FBXO32: variants seen among roughly 807,000 people sequenced by gnomAD.
FBXO32 encodes F-box only protein 32.
In FBXO32, 15 loss-of-function variants were observed where a neutral mutation model predicts 48.3. The ratio of observed to expected loss-of-function variants is 0.31; its 90% CI spans 0.21 to 0.48. The LOEUF (loss-of-function observed/expected upper bound fraction) is 0.48. FBXO32 is among the 20% of genes least tolerant of loss of function. The pLI is 0.99. For missense variants in FBXO32, 309 were observed against 432.7 expected (o/e 0.71, Z 2.54); for synonymous variants, 154 against 165.9 (o/e 0.93, Z 0.55).
intron 4 of FBXO32, among the ~76,000 whole-genome samples, chr8:123,519,823 T>C (rs554911472): frequency 6.6e-6 from 1 of 152,254 alleles, no homozygotes; most frequent in South Asian, 2.1e-4. Flanking sequence ...AGTCTTGCTC[T>C]GTTGCCCAGG....
chr8:123,512,607 G>A (rs1315506583), intron 6 of FBXO32, among the ~76,000 whole-genome samples: 5 of 148,548 alleles, frequency 3.4e-5, no homozygotes, highest in Non-Finnish European at 7.4e-5. Context: ...GCCAAGCTAT[G>A]TTGTGAAAGC....
At chr8:123,504,847 C>T (rs939685410) in intron 7 of FBXO32, 100 bp from the exon 8 acceptor site, 4 of 1,095,150 alleles carry the variant, frequency 3.7e-6, no homozygotes, top group Non-Finnish European at 5.3e-6. Flanking sequence ...CCCTTTCCCC[C>T]TCTTTTCAGC....
At chr8:123,523,203 G>A (rs943630918) in intron 4 of FBXO32, among the ~76,000 whole-genome samples, 10 of 152,090 alleles carry the variant, frequency 6.6e-5, no homozygotes. Flanking sequence ...AGGTCTGTGG[G>A]ACTGGCACTG....
At chr8:123,519,151 C>T (rs1359365369) in intron 4 of FBXO32, among the ~76,000 whole-genome samples, 2 of 152,134 alleles carry the variant, frequency 1.3e-5, no homozygotes, top group Non-Finnish European at 2.9e-5. Context: ...AGTTTCAGGA[C>T]TTCAGTTTGT....
At chr8:123,532,182 A>G in intron 3 of FBXO32, 192 bp from the exon 4 acceptor site, 1 of 1,370,968 alleles carries the variant, frequency 7.3e-7, no homozygotes, top group African/African-American at 1.5e-5. Context: ...TAACACAGCC[A>G]GCAGCTGCCT....
intron 6 of FBXO32, among the ~76,000 whole-genome samples, chr8:123,510,893 C>T (rs1374763286): frequency 2.6e-5 from 4 of 152,114 alleles, no homozygotes; most frequent in African/African-American, 9.7e-5. Context: ...CATAGCTGCT[C>T]GGAAGAAGGT....
intron 4 of FBXO32, among the ~76,000 whole-genome samples, chr8:123,523,451 A>G (rs111444030): frequency 0.017 from 2,528 of 152,194 alleles, 61 homozygotes; most frequent in African/African-American, 0.057. Context: ...TTAGCCGGGC[A>G]TGGTGGCGGG....
chr8:123,531,795 G>T, intron 4 of FBXO32, 103 bp downstream of exon 4: 1 of 1,401,176 alleles, frequency 7.1e-7, no homozygotes, highest in Admixed American at 2.3e-5. Context: ...AATTCTTAGG[G>T]TCCTAAAAAG....
At chr8:123,535,805 A>T (rs1269252665) in intron 1 of FBXO32, among the ~76,000 whole-genome samples, 1 of 149,098 alleles carries the variant, frequency 6.7e-6, no homozygotes, top group Admixed American at 6.7e-5. Flanking sequence ...TATAATGCCA[A>T]CTGGTAAAAC....
rs1817381878 is a variant in FBXO32 at position 123,540,067 on chromosome 8, G to A, written c.116+832C>T. Among the ~76,000 whole-genome samples the A allele has an allele frequency of 6.6e-6, 1 of 152,212 alleles. No individual in the cohort carries two copies. The highest frequency in any genetic ancestry group is 2.1e-4 in the South Asian group (1 of 4,832). On this transcript the variant is annotated intron_variant, in intron 1 of 8. Coordinates refer to ENST00000517956, the MANE Select transcript of FBXO32 (RefSeq NM_058229.4). This position sits in a 1 kb window ranked among gnomAD's most constrained non-coding sequence, Gnocchi z 6.4. ...GCAGCGGACCTCAGGTTTCCCGCCA[G>A]ACCACAGAGCTCAGGTGAGGCCTCG...
chr8:123,509,041 A>G (rs1816685757), intron 6 of FBXO32, among the ~76,000 whole-genome samples: 1 of 152,158 alleles, frequency 6.6e-6, no homozygotes, highest in Admixed American at 6.5e-5. Flanking sequence ...ACATGCTTCA[A>G]AACAGTGCCC....
intron 2 of FBXO32, among the ~76,000 whole-genome samples, chr8:123,533,606 G>A (rs1320849388): frequency 6.6e-6 from 1 of 152,180 alleles, no homozygotes; most frequent in African/African-American, 2.4e-5. Context: ...TCAGGAGTTC[G>A]AGACCAGCCT....
intron 7 of FBXO32, among the ~76,000 whole-genome samples, chr8:123,505,479 T>C (rs1816597259): frequency 6.6e-6 from 1 of 152,232 alleles, no homozygotes; most frequent in South Asian, 2.1e-4. Flanking sequence ...CTCACGCCTG[T>C]AATCCCAGAA....
chr8:123,516,346 A>G (rs546850717), intron 4 of FBXO32, among the ~76,000 whole-genome samples: 1 of 152,274 alleles, frequency 6.6e-6, no homozygotes, highest in African/African-American at 2.4e-5. Flanking sequence ...GACACAGAGA[A>G]CCGAGACCCC....
At position 123,506,454 on chromosome 8, in the gene FBXO32, C is replaced by G. The variant is rs376074767; in HGVS notation, c.772G>C (p.Val258Leu). ...CACAGCAGCCGGTCTTCGCTGAGCA[C>G]GTGCAGGTCGGGGGCAGCCTGGCCC... Reference protein sequence around the residue: ...SLGQAAPDLHVLSEDRLLWKK... With the variant: ...SLGQAAPDLHLLSEDRLLWKK... Residue 258 changes from valine (V) to leucine (L), a missense_variant, in exon 7 of 9, where the codon GTG becomes CTG. Val to Leu is a conservative substitution (Grantham distance 32, BLOSUM62 1). Transcript: ENST00000517956. This position sits in a 1 kb window ranked among gnomAD's most constrained non-coding sequence, Gnocchi z 4.0. 1 of 1,614,122 alleles carries G rather than the reference C, an allele frequency of 6.2e-7. No individual in the cohort carries two copies. The highest frequency in any genetic ancestry group is 1.7e-5 in the Admixed American group (1 of 60,034).
chr8:123,512,065 G>A (rs1469501141), intron 6 of FBXO32, among the ~76,000 whole-genome samples: 2 of 152,158 alleles, frequency 1.3e-5, no homozygotes, highest in Non-Finnish European at 2.9e-5. Flanking sequence ...TCAGGTAAAT[G>A]TTCATAATAA....
At chr8:123,515,482 C>A (rs1816822022) in intron 4 of FBXO32, among the ~76,000 whole-genome samples, 1 of 151,148 alleles carries the variant, frequency 6.6e-6, no homozygotes, top group African/African-American at 2.4e-5. Flanking sequence ...CTCCTGACCT[C>A]AGGTGATCCA....
At chr8:123,536,612 T>C (rs1030992899) in intron 1 of FBXO32, among the ~76,000 whole-genome samples, 1 of 152,180 alleles carries the variant, frequency 6.6e-6, no homozygotes, top group African/African-American at 2.4e-5. Context: ...ACATTTTGTG[T>C]GCAAAAATAC....
Position 123,500,648 on chromosome 8 carries a change from AAC to A in FBXO32, c.*2723_*2724del, listed in dbSNP as rs1276290551. ...TACTTAACAGATACCACGTGGCACTAACACAGATATGTTGTGCCTGCTGTGCT... is the reference window on the plus strand; with the variant it reads ...TACTTAACAGATACCACGTGGCACTAACAGATATGTTGTGCCTGCTGTGCT... On this transcript the variant is annotated 3_prime_UTR_variant, in exon 9 of 9. Transcript: ENST00000517956. The A allele has an allele frequency of 6.6e-6, 1 of 152,212 alleles. No individual in the cohort carries two copies. The highest frequency in any genetic ancestry group is 6.5e-5 in the Admixed American group (1 of 15,284). The allele number at this position is 152,212 out of a possible 1,614,324, so 9.4% of individuals were successfully genotyped here. A position where few individuals can be genotyped will look rare whatever the true frequency, so the allele number is the denominator to read the frequency against.
Sources: allele counts gnomAD v4.1 joint callset (sites outside exome capture counted in the v4.1 genomes callset), GRCh38; gene constraint gnomAD v4.1.1; non-coding constraint Gnocchi (gnomAD v3.1); transcripts MANE v1.5; gene names NCBI Gene and HGNC (gene_info 2026-07-23, HGNC 2026-07-21).